The following MB21D2 variants were observed in gnomAD, a reference collection of about 807,000 sequenced individuals.
MB21D2 encodes nucleotidyltransferase MB21D2.
Under a neutral mutation model 33.3 loss-of-function variants are expected in MB21D2, and 9 were observed. The observed-to-expected ratio is 0.27, with a 90% CI of 0.16 to 0.47. The LOEUF is 0.47. Ranked by LOEUF, MB21D2 falls within the 20% of genes least tolerant of loss-of-function variation. The pLI, the probability that MB21D2 is intolerant of heterozygous loss-of-function variation, is 0.99. For synonymous variants in MB21D2, 241 were observed against 236.3 expected, an observed-to-expected ratio of 1.02 and a Z score of -0.18; for missense variants, 540 against 624.6, an observed-to-expected ratio of 0.86 and a Z score of 1.44.
intron 1 of MB21D2, among the ~76,000 whole-genome samples, chr3:192,907,825 A>G (rs1285525138): frequency 1.3e-5 from 2 of 152,174 alleles, no homozygotes; most frequent in Admixed American, 6.5e-5. Flanking sequence ...AAACGCCATA[A>G]TGAGAAAGAT....
intron 1 of MB21D2, among the ~76,000 whole-genome samples, chr3:192,912,241 A>G (rs897216598): frequency 4.6e-5 from 7 of 152,228 alleles, no homozygotes; most frequent in African/African-American, 1.7e-4. Context: ...GAATTTCTCA[A>G]AGTTTTTGTT....
At chr3:192,869,744 C>T (rs931395530) in intron 1 of MB21D2, among the ~76,000 whole-genome samples, 1 of 152,160 alleles carries the variant, frequency 6.6e-6, no homozygotes, top group Non-Finnish European at 1.5e-5. Context: ...GCATATCTGC[C>T]ATCAATGAGC....
At chr3:192,822,596 C>G (rs1186486127) in intron 1 of MB21D2, among the ~76,000 whole-genome samples, 1 of 152,220 alleles carries the variant, frequency 6.6e-6, no homozygotes, top group African/African-American at 2.4e-5. Context: ...AGAGTCTGAC[C>G]TATTCCCGAT....
rs1405907161 is a variant in MB21D2, at chr3:192,799,502, G to A, written c.360C>T (p.Leu120=). The A allele has an allele frequency of 5.0e-6, 8 of 1,614,084 alleles. No homozygotes were observed. The highest frequency in any genetic ancestry group is 6.8e-6 in the Non-Finnish European group (8 of 1,180,040). ...CATGCAGCTTGAGGGCTGGCACCAA[G>A]AGGGTAAAGTCCATATCATAGTCAG... ...RGTDYDMDFT[L]LVPALKLHDR... The change falls in exon 2 of 2, where the codon CTC becomes CTT. Residue 120 remains leucine, a synonymous_variant. Coordinates refer to ENST00000392452, the MANE Select transcript of MB21D2 (RefSeq NM_178496.4). The surrounding 1 kb of genome is among the most constrained non-coding windows in gnomAD (Gnocchi z 4.1).
At chr3:192,887,052 T>C (rs184004174) in intron 1 of MB21D2, among the ~76,000 whole-genome samples, 10 of 152,208 alleles carry the variant, frequency 6.6e-5, no homozygotes, top group Admixed American at 6.5e-4. Context: ...CAAACAGGGC[T>C]ACCAATTCAT....
At chr3:192,902,908 T>C (rs1714135243) in intron 1 of MB21D2, among the ~76,000 whole-genome samples, 1 of 152,198 alleles carries the variant, frequency 6.6e-6, no homozygotes, top group Non-Finnish European at 1.5e-5. Flanking sequence ...TATTCAAAGC[T>C]GTGGAAACAG....
rs918971474 is a variant in MB21D2, at chr3:192,891,331, G to C, written c.211+26299C>G. 2.6e-5 allele frequency among the ~76,000 whole-genome samples: 4 copies of C among 152,130 alleles called. 1 individual carries two copies. Among genetic ancestry groups the C allele is most frequent in the African/African-American group, 9.7e-5 (4 of 41,386 alleles). On this transcript the variant is annotated intron_variant, in intron 1 of 1. Coordinates refer to ENST00000392452, the MANE Select transcript of MB21D2 (RefSeq NM_178496.4). ...GCAGGCAGCCGATTCATAACATCTG[G>C]ATTAGAATAATTAATGTAATAGAAC...
At chr3:192,852,161 A>G (rs1461059760) in intron 1 of MB21D2, among the ~76,000 whole-genome samples, 1 of 152,188 alleles carries the variant, frequency 6.6e-6, no homozygotes, top group African/African-American at 2.4e-5. Flanking sequence ...GAGAGAAAAT[A>G]TGGGGCGAGA....
In MB21D2 at chr3:192,850,795, C is replaced by T. The variant is rs144783582; in HGVS notation, c.212-51145G>A. ...ACAAAGTACAGCACACTGTAACAGA[C>T]ACCCACGCCACAGGCCACCCCCAAC... is the stretch of plus-strand genomic sequence containing the variant. On this transcript the variant is annotated intron_variant, in intron 1 of 1. Coordinates refer to ENST00000392452, the MANE Select transcript of MB21D2 (RefSeq NM_178496.4). Among the ~76,000 whole-genome samples, 41 of 152,328 alleles carry T rather than the reference C, an allele frequency of 2.7e-4. No individual in the cohort carries two copies. The East Asian group carries it at 6.4e-3, about 24-fold the overall frequency.
At chr3:192,860,563 A>C (rs962074496) in intron 1 of MB21D2, among the ~76,000 whole-genome samples, 1 of 152,246 alleles carries the variant, frequency 6.6e-6, no homozygotes, top group Non-Finnish European at 1.5e-5. Flanking sequence ...GAGAAAATAT[A>C]GTCCACATTG....
At chr3:192,870,171 T>C (rs902953738) in intron 1 of MB21D2, among the ~76,000 whole-genome samples, 1 of 91,352 alleles carries the variant, frequency 1.1e-5, no homozygotes, top group Non-Finnish European at 2.0e-5. Context: ...TCTTTCCTAA[T>C]CCACAGGGAG....
rs929257284 is a variant in MB21D2 at position 192,799,924 on chromosome 3, G to C, written c.212-274C>G. On this transcript the variant is annotated intron_variant, in intron 1 of 1. Coordinates refer to ENST00000392452, the MANE Select transcript of MB21D2 (RefSeq NM_178496.4). The surrounding 1 kb of genome is among the most constrained non-coding windows in gnomAD (Gnocchi z 4.1). ...ATAAAACAGGGCCCCTCTTCCCCCA[G>C]TCATCATCTCAGTTAATGGAATTGC... Among the ~76,000 whole-genome samples, 5 of 152,180 alleles carry C rather than the reference G, an allele frequency of 3.3e-5. No homozygotes were observed. Among genetic ancestry groups the C allele is most frequent in the African/African-American group, 1.2e-4 (5 of 41,512 alleles).
chr3:192,895,778 G>C (rs2108649044), intron 1 of MB21D2, among the ~76,000 whole-genome samples: 1 of 152,126 alleles, frequency 6.6e-6, no homozygotes, highest in Admixed American at 6.5e-5. Context: ...TGTTGTCCCG[G>C]CTGGAGTGCA....
chr3:192,893,605 A>T (rs1713901235), intron 1 of MB21D2, among the ~76,000 whole-genome samples: 1 of 152,182 alleles, frequency 6.6e-6, no homozygotes, highest in Non-Finnish European at 1.5e-5. Flanking sequence ...CATCCTTAAC[A>T]ATTCTCAGCA....
At chr3:192,835,571 A>C (rs1712420256) in intron 1 of MB21D2, among the ~76,000 whole-genome samples, 1 of 152,106 alleles carries the variant, frequency 6.6e-6, no homozygotes, top group East Asian at 1.9e-4. Flanking sequence ...AGATTCCAGA[A>C]AAAAATGATG....
Position 192,798,907 on chromosome 3 carries a change from T to G in MB21D2, c.955A>C (p.Lys319Gln). ...ATAGCCTTGGGCCGGGACAGCAGTT[T>G]AATGATGATGGCTTTGCAGGCCTGA... ...AYQACKAIII[K>Q]LLSRPKAISP... The change falls in exon 2 of 2, where the codon AAA becomes CAA. Residue 319 changes from lysine to glutamine, a missense_variant. Coordinates refer to ENST00000392452, the MANE Select transcript of MB21D2 (RefSeq NM_178496.4). The surrounding 1 kb of genome is among the most constrained non-coding windows in gnomAD (Gnocchi z 4.8). 1.2e-6 allele frequency: 2 copies of G among 1,613,818 alleles called. No individual in the cohort carries two copies. Among genetic ancestry groups the G allele is most frequent in the Non-Finnish European group, 1.7e-6 (2 of 1,179,836 alleles).
intron 1 of MB21D2, among the ~76,000 whole-genome samples, chr3:192,814,184 A>G (rs1560228199): frequency 6.6e-6 from 1 of 152,190 alleles, no homozygotes; most frequent in Non-Finnish European, 1.5e-5. Flanking sequence ...AAGTATTTCC[A>G]TCGTATAAAG....
chr3:192,896,439 G>C (rs1577199906), intron 1 of MB21D2, among the ~76,000 whole-genome samples: 1 of 93,476 alleles, frequency 1.1e-5, no homozygotes, highest in Non-Finnish European at 2.4e-5. Context: ...CTGCAACTTC[G>C]ACCTCTGGGC....
At chr3:192,831,659 G>A (rs961255963) in intron 1 of MB21D2, among the ~76,000 whole-genome samples, 4 of 152,070 alleles carry the variant, frequency 2.6e-5, no homozygotes, top group African/African-American at 7.2e-5. Context: ...CTAGAATAGT[G>A]AAAAATATTC....
Sources: gnomAD v4.1 joint callset for allele counts (sites outside exome capture counted in the v4.1 genomes callset) on GRCh38, gnomAD v4.1.1 for gene constraint, Gnocchi (gnomAD v3.1) non-coding constraint, MANE v1.5 for transcripts, NCBI Gene and HGNC (gene_info 2026-07-23, HGNC 2026-07-21) for gene names.